Variants in SLC6A15 observed in about 807,000 individuals in gnomAD.
The protein encoded by SLC6A15 is sodium-dependent neutral amino acid transporter B(0)AT2.
In SLC6A15, 33 loss-of-function variants were observed where a neutral mutation model predicts 68.5. That is an observed-to-expected ratio of 0.48 (90% CI 0.37 to 0.64). SLC6A15 has a LOEUF of 0.64. SLC6A15 is among the 30% of genes least tolerant of loss of function. The pLI is 0.00. For synonymous variants in SLC6A15, 347 were observed against 301.0 expected (o/e 1.15, Z -1.58); for missense variants, 747 against 874.3 (o/e 0.85, Z 1.84).
Position 84,872,601 on chromosome 12 carries a change from C to G in SLC6A15, c.1302+1G>C. 6.2e-7 allele frequency: 1 copy of G among 1,605,142 alleles called. No individual in the cohort carries two copies. The highest frequency in any genetic ancestry group is 2.2e-5 in the East Asian group (1 of 44,714). ...TTATTGCTCAAACATGGCTTACTAA[C>G]TTTATTTAGCTCTTCTTCAATTTTA... On this transcript the variant is annotated splice_donor_variant, in intron 8 of 11. Transcript: ENST00000266682. LOFTEE classifies it high-confidence loss of function.
intron 7 of SLC6A15, 117 bp downstream of exon 7, chr12:84,872,970 T>C: frequency 7.6e-7 from 1 of 1,312,880 alleles, no homozygotes; most frequent in South Asian, 1.5e-5. Context: ...ACATTGTATG[T>C]TTGTGTCGAA....
chr12:84,907,114 C>G (rs1048747622), intron 1 of SLC6A15, among the ~76,000 whole-genome samples: 3 of 152,136 alleles, frequency 2.0e-5, no homozygotes, highest in African/African-American at 7.2e-5. Flanking sequence ...CTTTGGGAGG[C>G]CCAGACGGGT....
At chr12:84,902,188 CAA>C (rs1333413621) in intron 1 of SLC6A15, among the ~76,000 whole-genome samples, 3 of 151,792 alleles carry the variant, frequency 2.0e-5, no homozygotes, top group Non-Finnish European at 4.4e-5. Context: ...ACTGAGCTAT[CAA>C]ATAAAAAATT....
At chr12:84,883,676 G>A (rs974940285) in intron 5 of SLC6A15, 183 bp downstream of exon 5, 35 of 1,519,898 alleles carry the variant, frequency 2.3e-5, no homozygotes, top group Non-Finnish European at 2.7e-5. Context: ...ATAAAACACT[G>A]TTTTTATTTG....
At chr12:84,864,746 A>G (rs1870998961) in intron 10 of SLC6A15, among the ~76,000 whole-genome samples, 1 of 152,142 alleles carries the variant, frequency 6.6e-6, no homozygotes, top group South Asian at 2.1e-4. Flanking sequence ...TTTGAAGACC[A>G]AGAGACCTCA....
At chr12:84,874,039 C>T (rs1871406916) in intron 6 of SLC6A15, among the ~76,000 whole-genome samples, 1 of 152,184 alleles carries the variant, frequency 6.6e-6, no homozygotes, top group South Asian at 2.1e-4. Flanking sequence ...CAATTCAGAT[C>T]AGCCAAGTGT....
intron 1 of SLC6A15, among the ~76,000 whole-genome samples, chr12:84,910,579 GGGGTTCGA>G (rs1873388414): frequency 6.6e-6 from 1 of 152,182 alleles, no homozygotes; most frequent in Non-Finnish European, 1.5e-5. Context: ...ACATTTCACA[GGGGTTCGA>G]GCTGTGAGAA....
In SLC6A15 at chr12:84,885,935, G is replaced by A. The variant is rs767044182; in HGVS notation, c.423C>T (p.Gly141=). ...GVWNYISPKL[G]GIGFASCVVC... The stretch of plus-strand genomic sequence containing the variant: ...CTACACAACTTGCAAATCCAATCCC[G>A]CCCAGTTTAGGGCTTATGTAATTCC... Residue 141 remains glycine, a synonymous_variant, in exon 3 of 12, where the codon GGC becomes GGT. Transcript: ENST00000266682. 22 of 1,607,888 alleles carry A rather than the reference G, an allele frequency of 1.4e-5. No individual in the cohort carries two copies. The highest frequency in any genetic ancestry group is 5.1e-5 in the Admixed American group (3 of 59,336).
At position 84,861,998 on chromosome 12, in the gene SLC6A15, T is replaced by C; in HGVS notation, c.1827A>G (p.Glu609=). 6.3e-7 allele frequency: 1 copy of C among 1,579,870 alleles called. No homozygotes were observed. Among genetic ancestry groups the C allele is most frequent in the South Asian group, 1.2e-5 (1 of 85,796 alleles). ...CCCATGTTGGATAGCTCAGAAATTC[T>C]TCAGATGCCTGTTAAAGAAGAAAAT... ...YNAWIEDKAS[E]EFLSYPTWGL... The change falls in exon 12 of 12, where the codon GAA becomes GAG. Residue 609 remains glutamate (E), a synonymous_variant. Coordinates refer to ENST00000266682, the MANE Select transcript of SLC6A15 (RefSeq NM_182767.6).
At chr12:84,885,138 C>T (rs1022463978) in intron 4 of SLC6A15, among the ~76,000 whole-genome samples, 1 of 151,860 alleles carries the variant, frequency 6.6e-6, no homozygotes, top group African/African-American at 2.4e-5. Context: ...AAATGTAAGG[C>T]ATCAATCAGG....
chr12:84,868,501 C>T (rs772702244), intron 9 of SLC6A15, among the ~76,000 whole-genome samples: 18 of 152,138 alleles, frequency 1.2e-4, no homozygotes, highest in Non-Finnish European at 2.5e-4. Flanking sequence ...CTCCTAATTA[C>T]ACCCCAGTAT....
intron 1 of SLC6A15, among the ~76,000 whole-genome samples, chr12:84,899,444 C>T (rs1872759921): frequency 6.6e-6 from 1 of 152,128 alleles, no homozygotes; most frequent in South Asian, 2.1e-4. Context: ...CATCCAATTC[C>T]ATCAAAGGCA....
intron 1 of SLC6A15, among the ~76,000 whole-genome samples, chr12:84,901,166 T>C (rs1872859636): frequency 6.6e-6 from 1 of 151,532 alleles, no homozygotes; most frequent in South Asian, 2.1e-4. Context: ...TTTCTGAGAG[T>C]ACATGTGTAG....
chr12:84,862,913 A>T (rs1181108876), intron 11 of SLC6A15, among the ~76,000 whole-genome samples: 31 of 152,042 alleles, frequency 2.0e-4, no homozygotes. Context: ...CCTCAGCCTG[A>T]CGAGTAGCTA....
At chr12:84,892,658 A>G (rs746509618) in intron 1 of SLC6A15, among the ~76,000 whole-genome samples, 1 of 152,018 alleles carries the variant, frequency 6.6e-6, no homozygotes, top group Non-Finnish European at 1.5e-5. Flanking sequence ...TATATCCCTG[A>G]TTTTGTTCCT....
In SLC6A15 at chr12:84,863,421, C is replaced by G. The variant is rs372565270; in HGVS notation, c.1818+18G>C. Reference sequence around the variant, plus strand: ...TTATATATCTTTTAAAAATGTAATTCCCTTATTTTGTATTTACCTTATCTT... The same window carrying G: ...TTATATATCTTTTAAAAATGTAATTGCCTTATTTTGTATTTACCTTATCTT... On this transcript the variant is annotated intron_variant, in intron 11 of 11. Coordinates refer to ENST00000266682, the MANE Select transcript of SLC6A15 (RefSeq NM_182767.6). 6.5e-7 allele frequency: 1 copy of G among 1,530,604 alleles called. No homozygotes were observed. The highest frequency in any genetic ancestry group is 8.7e-7 in the Non-Finnish European group (1 of 1,147,868). The allele number at this position is 1,530,604 out of a possible 1,614,324, so 94.8% of individuals were successfully genotyped here.
intron 5 of SLC6A15, among the ~76,000 whole-genome samples, chr12:84,878,976 G>T (rs1403886912): frequency 6.6e-6 from 1 of 151,866 alleles, no homozygotes; most frequent in East Asian, 1.9e-4. Context: ...GATCTTTCTA[G>T]AAATCTGGTG....
At chr12:84,903,967 A>G (rs943239173) in intron 1 of SLC6A15, among the ~76,000 whole-genome samples, 2 of 152,064 alleles carry the variant, frequency 1.3e-5, no homozygotes, top group Admixed American at 6.6e-5. Flanking sequence ...ATCCTTATAC[A>G]ATGTTGTTTG....
intron 5 of SLC6A15, chr12:84,881,005 A>C (rs1000817728): frequency 1.6e-5 from 5 of 317,054 alleles, no homozygotes; most frequent in Non-Finnish European, 1.8e-5. Context: ...TTGCAGTAAA[A>C]TGGGGATAAA....
Sources: gnomAD v4.1 joint callset for allele counts (sites outside exome capture counted in the v4.1 genomes callset) on GRCh38, gnomAD v4.1.1 for gene constraint, MANE v1.5 for transcripts, NCBI Gene and HGNC (gene_info 2026-07-23, HGNC 2026-07-21) for gene names.